Variants in CAPSL observed in about 807,000 individuals in gnomAD.
CAPSL encodes calcyphosin-like protein.
CAPSL carries 17 observed loss-of-function variants against 21.3 expected under a neutral mutation model. That is an observed-to-expected ratio of 0.80 (90% CI 0.55 to 1.20). The LOEUF is 1.20. Ranked by LOEUF, CAPSL falls within the 50% of genes most tolerant of loss-of-function variation. The pLI, the probability that CAPSL is intolerant of heterozygous loss-of-function variation, is 0.00. For missense variants in CAPSL, 289 were observed against 259.3 expected, an observed-to-expected ratio of 1.11 and a Z score of -0.79; for synonymous variants, 102 against 89.3, an observed-to-expected ratio of 1.14 and a Z score of -0.80.
In CAPSL at chr5:35,921,201, G is replaced by A. The variant is rs1423497668; in HGVS notation, c.1-81C>T. ...TGGGCAGAGTGACAGAAGCCTCACT[G>A]AGAAGGAAATTTACAGCCTTCTCTG... On this transcript the variant is annotated intron_variant, in intron 1 of 4. Transcript: ENST00000651391. 5 of 1,505,202 alleles carry A rather than the reference G, an allele frequency of 3.3e-6. No homozygotes were observed. The East Asian group carries it at 6.9e-5, about 21-fold the overall frequency. The allele number at this position is 1,505,202 out of a possible 1,614,324, so 93.2% of individuals were successfully genotyped here. A position where few individuals can be genotyped will look rare whatever the true frequency, so the allele number is the denominator to read the frequency against.
At chr5:35,920,788 C>T (rs143065971) in intron 2 of CAPSL, among the ~76,000 whole-genome samples, 196 bp downstream of exon 2, 2 of 152,252 alleles carry the variant, frequency 1.3e-5, no homozygotes, top group South Asian at 2.1e-4. Context: ...TGAGTCTTGC[C>T]GAATCTGGGA....
intron 1 of CAPSL, among the ~76,000 whole-genome samples, chr5:35,921,848 A>T (rs2149926431): frequency 6.9e-6 from 1 of 144,542 alleles, no homozygotes; most frequent in South Asian, 2.2e-4. Context: ...TCTGCCTGGT[A>T]ACCTGCCTGT....
chr5:35,926,584 C>G (rs1375829576), intron 1 of CAPSL, among the ~76,000 whole-genome samples: 1 of 152,138 alleles, frequency 6.6e-6, no homozygotes, highest in African/African-American at 2.4e-5. Context: ...TAAGAGGACC[C>G]TTGGAAGAGG....
At position 35,910,507 on chromosome 5, in the gene CAPSL, G is replaced by T; in HGVS notation, c.174C>A (p.Thr58=). The T allele has an allele frequency of 6.2e-7, 1 of 1,609,566 alleles. No homozygotes were observed. Among genetic ancestry groups the T allele is most frequent in the South Asian group, 1.1e-5 (1 of 90,328 alleles). The change falls in exon 3 of 5, where the codon ACC becomes ACA. Residue 58 remains threonine, a synonymous_variant. Transcript: ENST00000651391. ...FRIMDDDNNR[T]LDFKEFMKGL... ...CTTTCATAAATTCTTTAAAATCAAG[G>T]GTTCGATTATTATCGTCATCCATAA...
intron 4 of CAPSL, among the ~76,000 whole-genome samples, chr5:35,909,551 T>A (rs1002902261): frequency 6.6e-6 from 1 of 152,186 alleles, no homozygotes; most frequent in Non-Finnish European, 1.5e-5. Flanking sequence ...ATAGTAACCA[T>A]AAAATGGCAT....
At chr5:35,919,170 A>AAAAAAAAAAT (rs754098152) in intron 2 of CAPSL, among the ~76,000 whole-genome samples, 1 of 121,274 alleles carries the variant, frequency 8.2e-6, no homozygotes, top group South Asian at 2.6e-4. Flanking sequence ...TAAAAAAAAA[A>AAAAAAAAAAT]ATATATATAT....
rs774829197 is a variant in CAPSL, at chr5:35,921,163, C to T, written c.1-43G>A. On this transcript the variant is annotated intron_variant, in intron 1 of 4. Coordinates refer to ENST00000651391, the MANE Select transcript of CAPSL (RefSeq NM_001042625.2). ...CATGTTAGCAAAGTCCAGGCCTCGC[C>T]GCTGCCTCTGGCTGGGCAGAGTGAC... 1.8e-5 allele frequency: 29 copies of T among 1,601,074 alleles called. No individual in the cohort carries two copies. In the Middle Eastern group the frequency reaches 5.3e-4, roughly 29 times the overall value.
chr5:35,913,792 G>A (rs57498894), intron 2 of CAPSL, among the ~76,000 whole-genome samples: 3,330 of 152,094 alleles, frequency 0.022, 120 homozygotes, highest in African/African-American at 0.076. Flanking sequence ...ATGAAGAAAC[G>A]GCATAAACTA....
Position 35,921,082 on chromosome 5 carries a change from G to A in CAPSL, c.39C>T (p.Ile13=), listed in dbSNP as rs1738525358. 7 of 1,614,046 alleles carry A rather than the reference G, an allele frequency of 4.3e-6. No homozygotes were observed. Among genetic ancestry groups the A allele is most frequent in the Non-Finnish European group, 5.9e-6 (7 of 1,180,014 alleles). ...GTARHDREMA[I]QAKKKLTTAT... Reference sequence around the variant, plus strand: ...CCGTGGTGAGCTTTTTCTTGGCCTGGATCGCCATCTCTCGGTCATGGCGCG... The same window carrying A: ...CCGTGGTGAGCTTTTTCTTGGCCTGAATCGCCATCTCTCGGTCATGGCGCG... Residue 13 remains isoleucine (I), a synonymous_variant, in exon 2 of 5, where the codon ATC becomes ATT. Coordinates refer to ENST00000651391, the MANE Select transcript of CAPSL (RefSeq NM_001042625.2).
chr5:35,906,419 A>G (rs1342053529), intron 4 of CAPSL, among the ~76,000 whole-genome samples: 1 of 152,094 alleles, frequency 6.6e-6, no homozygotes, highest in Non-Finnish European at 1.5e-5. Flanking sequence ...GAAATTTGAC[A>G]TGAATTTCTA....
intron 2 of CAPSL, among the ~76,000 whole-genome samples, chr5:35,916,353 G>A (rs9764921): frequency 0.38 from 58,467 of 151,894 alleles, 13,015 homozygotes; most frequent in East Asian, 0.65. Flanking sequence ...CACAGAATTG[G>A]AAAAAACTAC....
Position 35,928,897 on chromosome 5 carries a change from G to A in CAPSL, c.1-7777C>T, listed in dbSNP as rs529362883. Among the ~76,000 whole-genome samples the A allele has an allele frequency of 8.5e-5, 13 of 152,286 alleles. No homozygotes were observed. The East Asian group carries it at 2.1e-3, about 25-fold the overall frequency. On this transcript the variant is annotated intron_variant, in intron 1 of 4. Coordinates refer to ENST00000651391, the MANE Select transcript of CAPSL (RefSeq NM_001042625.2). The stretch of plus-strand genomic sequence containing the variant: ...ATGCCCACAGCACTCACCAAGCACA[G>A]TAAATTAGACTCTCTTGGTGTAGAT...
In CAPSL at chr5:35,921,034, G is replaced by A. The variant is rs754791143; in HGVS notation, c.87C>T (p.Leu29=). ...AGCCCCTGGCCAGGCACTGCAGTCGGAGTCTTTCAATGGGGTCGGTGGCCG... is the reference window on the plus strand; with the variant it reads ...AGCCCCTGGCCAGGCACTGCAGTCGAAGTCTTTCAATGGGGTCGGTGGCCG... ...LTTATDPIER[L]RLQCLARGSA... is the part of the protein sequence containing the mutation. Residue 29 remains leucine (L), a synonymous_variant, in exon 2 of 5, where the codon CTC becomes CTT. Coordinates refer to ENST00000651391, the MANE Select transcript of CAPSL (RefSeq NM_001042625.2). 6.2e-7 allele frequency: 1 copy of A among 1,614,090 alleles called. No homozygotes were observed. The highest frequency in any genetic ancestry group is 8.5e-7 in the Non-Finnish European group (1 of 1,179,996).
At position 35,910,052 on chromosome 5, in the gene CAPSL, T is replaced by G; in HGVS notation, c.339A>C (p.Lys113Asn). 6.2e-7 allele frequency: 1 copy of G among 1,611,964 alleles called. No homozygotes were observed. The highest frequency in any genetic ancestry group is 8.5e-7 in the Non-Finnish European group (1 of 1,179,316). Reference protein sequence around the residue: ...TLRPPMSRARKEVIMQAFRKL... With the variant: ...TLRPPMSRARNEVIMQAFRKL... The stretch of plus-strand genomic sequence containing the variant: ...TTCTAAAAGCTTGCATGATTACCTC[T>G]TTTCTGGCTCTGGACATTGGAGGCT... Residue 113 changes from lysine (K) to asparagine (N), a missense_variant, in exon 4 of 5, where the codon AAA becomes AAC. Transcript: ENST00000651391.
Position 35,904,553 on chromosome 5 carries a change from T to G in CAPSL, c.619A>C (p.Lys207Gln), listed in dbSNP as rs1297868951. The G allele has an allele frequency of 6.2e-7, 1 of 1,613,372 alleles. No homozygotes were observed. Among genetic ancestry groups the G allele is most frequent in the Non-Finnish European group, 8.5e-7 (1 of 1,179,484 alleles). ...YFIIMMRTAW[K>Q]L is the part of the protein sequence containing the mutation. ...GTCCCCAGGTCATGTGCTTAAAGCT[T>G]CCAGGCGGTTCTCATCATGATGATG... Residue 207 changes from lysine (K) to glutamine (Q), a missense_variant, in exon 5 of 5, where the codon AAG becomes CAG. Coordinates refer to ENST00000651391, the MANE Select transcript of CAPSL (RefSeq NM_001042625.2).
At chr5:35,924,443 G>C (rs1409629666) in intron 1 of CAPSL, among the ~76,000 whole-genome samples, 1 of 152,120 alleles carries the variant, frequency 6.6e-6, no homozygotes, top group Non-Finnish European at 1.5e-5. Flanking sequence ...AAGTGGGATC[G>C]AGTCCAGGAA....
At chr5:35,921,756 C>G (rs964405996) in intron 1 of CAPSL, among the ~76,000 whole-genome samples, 4 of 152,146 alleles carry the variant, frequency 2.6e-5, no homozygotes, top group Non-Finnish European at 4.4e-5. Context: ...GGGAAGAGCA[C>G]TTAGCTGGGG....
intron 4 of CAPSL, among the ~76,000 whole-genome samples, chr5:35,908,396 C>A (rs1738091504): frequency 6.6e-6 from 1 of 152,212 alleles, no homozygotes; most frequent in Non-Finnish European, 1.5e-5. Context: ...CCTTTATGAG[C>A]TTTTGAGAGC....
At chr5:35,915,165 A>C (rs991751891) in intron 2 of CAPSL, among the ~76,000 whole-genome samples, 7 of 152,232 alleles carry the variant, frequency 4.6e-5, no homozygotes, top group Non-Finnish European at 1.0e-4. Flanking sequence ...ACTAGGAAGA[A>C]GTTGAATCTC....
Sources: allele counts gnomAD v4.1 joint callset (sites outside exome capture counted in the v4.1 genomes callset), GRCh38; gene constraint gnomAD v4.1.1; transcripts MANE v1.5; gene names NCBI Gene and HGNC (gene_info 2026-07-23, HGNC 2026-07-21).